Variants in ELF5 observed in about 807,000 individuals in gnomAD.
ELF5 encodes the protein ETS-related transcription factor Elf-5.
A neutral mutation model predicts 38.2 loss-of-function variants in ELF5; 31 were observed. The observed-to-expected ratio is 0.81, with a 90% CI of 0.61 to 1.10. The LOEUF (loss-of-function observed/expected upper bound fraction) is 1.10. ELF5 is among the 50% of genes least tolerant of loss of function. The pLI is 0.00. For missense variants in ELF5, 300 were observed against 306.6 expected, an observed-to-expected ratio of 0.98 and a Z score of 0.16; for synonymous variants, 121 against 112.5, an observed-to-expected ratio of 1.08 and a Z score of -0.48.
At chr11:34,482,138 C>A (rs1590319138) in intron 5 of ELF5, among the ~76,000 whole-genome samples, 1 of 152,206 alleles carries the variant, frequency 6.6e-6, no homozygotes, top group East Asian at 1.9e-4. Context: ...ATGTTCACAA[C>A]TACGATCATG....
At chr11:34,498,388 C>T (rs187426440) in intron 2 of ELF5, among the ~76,000 whole-genome samples, 2 of 152,028 alleles carry the variant, frequency 1.3e-5, no homozygotes, top group Admixed American at 6.6e-5. Context: ...CTGCTTTGTC[C>T]CTTTCTAGAC....
chr11:34,510,242 A>C (rs1048229492), intron 1 of ELF5, among the ~76,000 whole-genome samples: 8 of 152,022 alleles, frequency 5.3e-5, no homozygotes, highest in African/African-American at 9.7e-5. Flanking sequence ...GGTGTACAGC[A>C]TGCTATTTTT....
At chr11:34,502,358 C>A (rs1177589595) in intron 2 of ELF5, among the ~76,000 whole-genome samples, 2 of 152,214 alleles carry the variant, frequency 1.3e-5, no homozygotes, top group East Asian at 3.9e-4. Flanking sequence ...AGCCTGCTGG[C>A]CATGGAGCAG....
chr11:34,510,037 T>C (rs188688014), intron 1 of ELF5, among the ~76,000 whole-genome samples: 40 of 152,352 alleles, frequency 2.6e-4, no homozygotes, highest in Admixed American at 2.2e-3. Flanking sequence ...TGGCATTATA[T>C]AAAAACTAGA....
chr11:34,505,953 A>G (rs1224137530), intron 1 of ELF5, among the ~76,000 whole-genome samples, 200 bp from the exon 2 acceptor site: 1 of 152,196 alleles, frequency 6.6e-6, no homozygotes, highest in Non-Finnish European at 1.5e-5. Flanking sequence ...CCCATTTTAG[A>G]TGAGAAAACT....
chr11:34,499,576 G>T (rs968932552), intron 2 of ELF5, among the ~76,000 whole-genome samples: 1 of 152,184 alleles, frequency 6.6e-6, no homozygotes, highest in Non-Finnish European at 1.5e-5. Flanking sequence ...TAGATATGCA[G>T]CAGAATGCAA....
chr11:34,498,783 T>C (rs1240525098), intron 2 of ELF5, among the ~76,000 whole-genome samples: 3 of 152,220 alleles, frequency 2.0e-5, no homozygotes, highest in Admixed American at 6.5e-5. Context: ...CTCAATCTTA[T>C]GCAGTGTTCT....
rs568735615 is a variant in ELF5 at position 34,488,238 on chromosome 11, A to AC, written c.406+1770_406+1771insG. ...TGAGAGCAAGACTCAAATAGTGCTC[A>AC]TCACCACAGCTACAGTGCCTAGCTC... On this transcript the variant is annotated intron_variant, in intron 4 of 6. Coordinates refer to ENST00000257832, the MANE Select transcript of ELF5 (RefSeq NM_001422.4). 4.5e-3 allele frequency among the ~76,000 whole-genome samples: 689 copies of AC among 152,312 alleles called. 4 individuals are homozygous for AC. The highest frequency in any genetic ancestry group is 0.016 in the African/African-American group (662 of 41,550).
intron 1 of ELF5, among the ~76,000 whole-genome samples, chr11:34,507,630 T>G (rs1192847598): frequency 6.6e-6 from 1 of 152,250 alleles, no homozygotes; most frequent in Non-Finnish European, 1.5e-5. Flanking sequence ...CTGCTTCCCA[T>G]GTTCCCACAT....
chr11:34,481,371 A>T (rs1856940916), intron 5 of ELF5, among the ~76,000 whole-genome samples: 2 of 152,076 alleles, frequency 1.3e-5, no homozygotes, highest in African/African-American at 4.8e-5. Context: ...TCACTAGGTC[A>T]TGAGAATTGC....
At chr11:34,491,839 G>A (rs1460996137) in intron 3 of ELF5, 2 of 152,194 alleles carry the variant, frequency 1.3e-5, no homozygotes, top group African/African-American at 4.8e-5. Flanking sequence ...GCCTCCCAAA[G>A]TATTGGGATT....
chr11:34,484,028 T>A (rs1857004585), intron 4 of ELF5, among the ~76,000 whole-genome samples: 1 of 151,566 alleles, frequency 6.6e-6, no homozygotes, highest in Admixed American at 6.6e-5. Flanking sequence ...CTGTACTAAC[T>A]ATATTGTATT....
Position 34,480,835 on chromosome 11 carries a change from T to A in ELF5, c.608A>T (p.Lys203Met). 1 of 1,614,142 alleles carries A rather than the reference T, an allele frequency of 6.2e-7. No individual in the cohort carries two copies. The highest frequency in any genetic ancestry group is 1.1e-5 in the South Asian group (1 of 91,078). ...ATTTTTCTTCCTTTGTCCCCACATC[T>A]TTGCCAGGGCTTCCGATTTAACCAC... ...FRVVKSEALAKMWGQRKKNDR... is the reference protein window; with the variant it reads ...FRVVKSEALAMMWGQRKKNDR... Residue 203 changes from lysine (K) to methionine (M), a missense_variant, in exon 6 of 7, where the codon AAG becomes ATG. Coordinates refer to ENST00000257832, the MANE Select transcript of ELF5 (RefSeq NM_001422.4).
At chr11:34,490,084 A>C (rs371372901) in intron 3 of ELF5, 25 bp from the exon 4 acceptor site, 7 of 1,613,386 alleles carry the variant, frequency 4.3e-6, no homozygotes, top group Non-Finnish European at 5.9e-6. Context: ...GAAATCCAGA[A>C]ACCATACCAT....
intron 2 of ELF5, among the ~76,000 whole-genome samples, chr11:34,498,436 A>G (rs749525953): frequency 2.6e-5 from 4 of 152,112 alleles, no homozygotes; most frequent in Non-Finnish European, 5.9e-5. Context: ...TAGGAGTTAT[A>G]TTAGAAACCA....
chr11:34,486,213 C>G (rs949593742), intron 4 of ELF5, among the ~76,000 whole-genome samples: 6 of 152,150 alleles, frequency 3.9e-5, no homozygotes, highest in African/African-American at 1.4e-4. Flanking sequence ...CAGAGAAGCT[C>G]TGAGGCTCAG....
intron 1 of ELF5, among the ~76,000 whole-genome samples, chr11:34,512,596 T>A (rs1048444391): frequency 2.0e-5 from 3 of 146,418 alleles, no homozygotes; most frequent in Non-Finnish European, 4.6e-5. Flanking sequence ...TTTTTTTTTT[T>A]AAATCATGCA....
chr11:34,480,615 C>CA (rs1422933239), intron 6 of ELF5, among the ~76,000 whole-genome samples, 157 bp downstream of exon 6: 5 of 152,202 alleles, frequency 3.3e-5, no homozygotes, highest in African/African-American at 1.2e-4. Flanking sequence ...TGTCAATTTA[C>CA]AAACCATAAT....
chr11:34,505,877 GGA>G, intron 1 of ELF5, 124 bp from the exon 2 acceptor site: 2 of 1,224,588 alleles, frequency 1.6e-6, no homozygotes, highest in South Asian at 1.8e-5. Context: ...TCACTCACTA[GGA>G]GCAGGCACCG....
Sources: gnomAD v4.1 joint callset for allele counts (sites outside exome capture counted in the v4.1 genomes callset) on GRCh38, gnomAD v4.1.1 for gene constraint, MANE v1.5 for transcripts, NCBI Gene and HGNC (gene_info 2026-07-23, HGNC 2026-07-21) for gene names.